Variants in PDSS2 observed in about 807,000 individuals in gnomAD.
The protein encoded by PDSS2 is decaprenyl diphosphate synthase subunit 2.
In PDSS2, 31 loss-of-function variants were observed where a neutral mutation model predicts 44.5. The ratio of observed to expected loss-of-function variants is 0.70; its 90% CI spans 0.52 to 0.94. The LOEUF (loss-of-function observed/expected upper bound fraction) is 0.94, where lower values mean the gene tolerates loss of function less well. PDSS2 is among the 40% of genes least tolerant of loss of function. PDSS2 has a pLI of 0.00. For missense variants in PDSS2, 452 were observed against 482.2 expected (o/e 0.94, Z 0.59); for synonymous variants, 157 against 180.3 (o/e 0.87, Z 1.03).
At chr6:107,326,615 G>A (rs546806475) in intron 2 of PDSS2, among the ~76,000 whole-genome samples, 8 of 151,844 alleles carry the variant, frequency 5.3e-5, no homozygotes, top group African/African-American at 1.7e-4. Flanking sequence ...ACTTTGGGAG[G>A]CCAAGGAGGG....
chr6:107,438,044 T>A (rs768269016), intron 1 of PDSS2, among the ~76,000 whole-genome samples: 1 of 152,082 alleles, frequency 6.6e-6, no homozygotes, highest in Non-Finnish European at 1.5e-5. Context: ...TGGTAGTAGT[T>A]AACTGACAGA....
chr6:107,242,030 G>T (rs2114788635), intron 4 of PDSS2, among the ~76,000 whole-genome samples: 1 of 152,274 alleles, frequency 6.6e-6, no homozygotes, highest in East Asian at 1.9e-4. Context: ...CCATGTGGGG[G>T]CAGTGCTCTC....
Position 107,212,302 on chromosome 6 carries a change from C to T in PDSS2, c.703-20G>A. ...ACTTTCCTAAAAATGTAACAAAAGCCAAGATAAAAAAGACTTTAGGAGTAA... is the reference window on the plus strand; with the variant it reads ...ACTTTCCTAAAAATGTAACAAAAGCTAAGATAAAAAAGACTTTAGGAGTAA... On this transcript the variant is annotated intron_variant, in intron 4 of 7. Coordinates refer to ENST00000369037, the MANE Select transcript of PDSS2 (RefSeq NM_020381.4). 6.3e-7 allele frequency: 1 copy of T among 1,594,226 alleles called. No homozygotes were observed. Among genetic ancestry groups the T allele is most frequent in the Non-Finnish European group, 8.6e-7 (1 of 1,166,198 alleles).
At chr6:107,436,795 T>A (rs1156796579) in intron 1 of PDSS2, among the ~76,000 whole-genome samples, 1 of 152,182 alleles carries the variant, frequency 6.6e-6, no homozygotes, top group African/African-American at 2.4e-5. Flanking sequence ...GATCTGATCA[T>A]CATACATTAT....
intron 1 of PDSS2, among the ~76,000 whole-genome samples, chr6:107,440,855 G>A (rs927114089): frequency 1.8e-4 from 28 of 152,350 alleles, no homozygotes; most frequent in Non-Finnish European, 3.1e-4. Context: ...ACTATTTCAT[G>A]TCTATCTAAG....
At chr6:107,457,791 C>A (rs1173344146) in intron 1 of PDSS2, among the ~76,000 whole-genome samples, 2 of 151,928 alleles carry the variant, frequency 1.3e-5, no homozygotes, top group African/African-American at 4.8e-5. Flanking sequence ...CATTATTAGG[C>A]CAATTAACAA....
At chr6:107,447,604 T>C (rs768549338) in intron 1 of PDSS2, among the ~76,000 whole-genome samples, 6 of 152,234 alleles carry the variant, frequency 3.9e-5, no homozygotes, top group Non-Finnish European at 8.8e-5. Flanking sequence ...ACTCTGCCCC[T>C]GTGGCTTTGC....
intron 4 of PDSS2, among the ~76,000 whole-genome samples, chr6:107,231,121 C>G (rs1774035923): frequency 6.6e-6 from 1 of 152,116 alleles, no homozygotes; most frequent in Non-Finnish European, 1.5e-5. Flanking sequence ...CCTCTCATGA[C>G]AGACTAGAAA....
intron 1 of PDSS2, among the ~76,000 whole-genome samples, chr6:107,423,911 T>C (rs1780904412): frequency 6.6e-6 from 1 of 152,146 alleles, no homozygotes; most frequent in Non-Finnish European, 1.5e-5. Flanking sequence ...CTTCTTAAAA[T>C]TTTTCTTCTT....
intron 2 of PDSS2, among the ~76,000 whole-genome samples, chr6:107,304,583 C>T (rs1039453647): frequency 5.9e-5 from 9 of 152,138 alleles, no homozygotes; most frequent in African/African-American, 2.2e-4. Context: ...AGTGCCCAGT[C>T]GTTTCATCTG....
chr6:107,446,170 G>A (rs755703987), intron 1 of PDSS2, among the ~76,000 whole-genome samples: 1 of 152,026 alleles, frequency 6.6e-6, no homozygotes. Context: ...ACAAAAGTTA[G>A]CTGGGCGTGG....
At chr6:107,285,090 T>C (rs530839977) in intron 2 of PDSS2, among the ~76,000 whole-genome samples, 3 of 152,276 alleles carry the variant, frequency 2.0e-5, no homozygotes, top group South Asian at 2.1e-4. Flanking sequence ...TGCATATCAA[T>C]AGAAAACTAA....
chr6:107,378,139 C>T (rs185272496), intron 1 of PDSS2, among the ~76,000 whole-genome samples: 71 of 149,988 alleles, frequency 4.7e-4, no homozygotes, highest in East Asian at 3.5e-3. Context: ...CTTCCTCAAC[C>T]TAACAAAAAC....
At chr6:107,208,480 A>G (rs1431463956) in intron 6 of PDSS2, among the ~76,000 whole-genome samples, 1 of 151,158 alleles carries the variant, frequency 6.6e-6, no homozygotes. Context: ...TATTTTCAGT[A>G]GAGACAGGGT....
In PDSS2 at chr6:107,262,793, G is replaced by A. The variant is rs369218665; in HGVS notation, c.630+11236C>T. ...TCTCAAAAAAAAAAGAAAAAAAAAG[G>A]AAACTTGGCTGGGCACAGTGGCTTA... On this transcript the variant is annotated intron_variant, in intron 3 of 7. Coordinates refer to ENST00000369037, the MANE Select transcript of PDSS2 (RefSeq NM_020381.4). 5.9e-5 allele frequency among the ~76,000 whole-genome samples: 9 copies of A among 151,858 alleles called. No homozygotes were observed. In the East Asian group the frequency reaches 1.4e-3, roughly 23 times the overall value.
chr6:107,410,714 C>G (rs1331591804), intron 1 of PDSS2, among the ~76,000 whole-genome samples: 2 of 152,100 alleles, frequency 1.3e-5, no homozygotes, highest in Non-Finnish European at 2.9e-5. Context: ...TCTCAAGCTC[C>G]TGACCTCAGG....
At chr6:107,345,001 G>A (rs1386461765) in intron 1 of PDSS2, among the ~76,000 whole-genome samples, 1 of 151,980 alleles carries the variant, frequency 6.6e-6, no homozygotes, top group African/African-American at 2.4e-5. Flanking sequence ...TAAGCCCCTT[G>A]GGTTCACATT....
intron 2 of PDSS2, among the ~76,000 whole-genome samples, chr6:107,308,699 G>GC (rs1776939857): frequency 6.6e-6 from 1 of 152,206 alleles, no homozygotes; most frequent in South Asian, 2.1e-4. Flanking sequence ...ATTACTGAAT[G>GC]CAAGGACGTT....
chr6:107,205,085 T>C (rs572011316), intron 6 of PDSS2, among the ~76,000 whole-genome samples: 3 of 152,236 alleles, frequency 2.0e-5, no homozygotes, highest in Non-Finnish European at 4.4e-5. Context: ...GGAATCTGCA[T>C]GTGCATTTTC....
Sources: gnomAD v4.1 joint callset for allele counts (sites outside exome capture counted in the v4.1 genomes callset) on GRCh38, gnomAD v4.1.1 for gene constraint, MANE v1.5 for transcripts, NCBI Gene and HGNC (gene_info 2026-07-23, HGNC 2026-07-21) for gene names.